The following ZFHX3 variants were observed in gnomAD, a reference collection of about 807,000 sequenced individuals.
ZFHX3 encodes the protein zinc finger homeobox protein 3.
ZFHX3 carries 42 observed loss-of-function variants against 279.1 expected under a neutral mutation model. The observed-to-expected ratio is 0.15, with a 90% CI of 0.12 to 0.19. The LOEUF (loss-of-function observed/expected upper bound fraction) is 0.19, where lower values mean the gene tolerates loss of function less well. Among genes scored for constraint, ZFHX3 ranks in the 10% least tolerant of loss-of-function variants. ZFHX3 has a pLI of 1.00. For synonymous variants in ZFHX3, 2,293 were observed against 1,957.8 expected, an observed-to-expected ratio of 1.17 and a Z score of -4.52; for missense variants, 4,981 against 4,754.0, an observed-to-expected ratio of 1.05 and a Z score of -1.40.
At chr16:72,895,005 G>A (rs1003863056) in intron 3 of ZFHX3, among the ~76,000 whole-genome samples, 1 of 152,204 alleles carries the variant, frequency 6.6e-6, no homozygotes, top group African/African-American at 2.4e-5. Flanking sequence ...TCCAACTGTG[G>A]GCAGTGTGCT....
At chr16:72,901,875 A>C (rs1030321630) in intron 3 of ZFHX3, among the ~76,000 whole-genome samples, 2 of 152,148 alleles carry the variant, frequency 1.3e-5, no homozygotes, top group African/African-American at 4.8e-5. Flanking sequence ...TAAATAACCC[A>C]GACAAACACC....
chr16:72,976,033 A>T (rs771479277), intron 1 of ZFHX3, among the ~76,000 whole-genome samples: 2 of 152,196 alleles, frequency 1.3e-5, no homozygotes, highest in Non-Finnish European at 2.9e-5. Context: ...TGCCAGCTCA[A>T]GTCATAAAAT....
chr16:73,190,198 A>G (rs1781617095), intron 5 of ZFHX3, among the ~76,000 whole-genome samples: 1 of 152,358 alleles, frequency 6.6e-6, no homozygotes, highest in Non-Finnish European at 1.5e-5. Flanking sequence ...GACATGTGTA[A>G]TGGTGTGACT....
intron 2 of ZFHX3, among the ~76,000 whole-genome samples, chr16:73,473,379 A>G (rs1039798101): frequency 5.1e-4 from 77 of 150,990 alleles, no homozygotes; most frequent in African/African-American, 1.8e-3. Flanking sequence ...AAAACAAAAT[A>G]ATAAGCTATG....
intron 4 of ZFHX3, among the ~76,000 whole-genome samples, chr16:72,831,876 C>T (rs2037069264): frequency 6.6e-6 from 1 of 152,158 alleles, no homozygotes; most frequent in African/African-American, 2.4e-5. Context: ...TATTGGAACA[C>T]TAAGCTTGTA....
At position 72,797,557 on chromosome 16, in the gene ZFHX3, C is replaced by T. The variant is rs1410544730; in HGVS notation, c.5125G>A (p.Glu1709Lys). 6.2e-7 allele frequency: 1 copy of T among 1,614,122 alleles called. No homozygotes were observed. The highest frequency in any genetic ancestry group is 1.1e-5 in the South Asian group (1 of 91,074). Residue 1709 changes from glutamate (E) to lysine (K), a missense_variant, in exon 9 of 10, where the codon GAG (glutamate) becomes AAG (lysine). Physicochemically the swap from Glu to Lys is moderately conservative, Grantham distance 56. Coordinates refer to ENST00000268489, the MANE Select transcript of ZFHX3 (RefSeq NM_006885.4). ...ANIASPSEPK[E>K]ANRKKLADMI... ...TCTGCCAGTTTCTTCCGATTGGCCTCTTTGGGCTCTGAAGGGGAAGCAATG... is the reference window on the plus strand; with the variant it reads ...TCTGCCAGTTTCTTCCGATTGGCCTTTTTGGGCTCTGAAGGGGAAGCAATG...
chr16:73,392,145 C>T lies in ZFHX3; in HGVS notation c.-1291+63858G>A, dbSNP rs189595657. 1.8e-3 allele frequency among the ~76,000 whole-genome samples: 278 copies of T among 152,096 alleles called. 2 individuals carry two copies. Among genetic ancestry groups the T allele is most frequent in the African/African-American group, 6.5e-3 (271 of 41,502 alleles). On this transcript the variant is annotated intron_variant, in intron 3 of 17. Coordinates refer to the ZFHX3 transcript ENST00000641206. ...ATCAAGAAACAGCAGCAAGGCCAGG[C>T]GCAGTGGCTCATGGCTGTAATCCCA...
At chr16:73,185,777 C>T (rs573083543) in intron 5 of ZFHX3, among the ~76,000 whole-genome samples, 14 of 152,222 alleles carry the variant, frequency 9.2e-5, no homozygotes, top group Admixed American at 7.8e-4. Context: ...ACACATGGGC[C>T]CCCTAGATCC....
At chr16:73,705,821 C>T (rs2053297454) in intron 1 of ZFHX3, among the ~76,000 whole-genome samples, 2 of 152,170 alleles carry the variant, frequency 1.3e-5, no homozygotes, top group African/African-American at 4.8e-5. Context: ...ATTTCCAACC[C>T]TCATGGACCC....
rs929432626 is a variant in ZFHX3 at position 73,767,783 on chromosome 16, T to C, written c.-1607-87543A>G. On this transcript the variant is annotated intron_variant, in intron 1 of 17. Coordinates refer to the ZFHX3 transcript ENST00000641206. ...GATCTGCGATGGGAGACTTAACCTC[T>C]GTGAGACCTGTAGTCTTACGTAATC... 2.0e-5 allele frequency among the ~76,000 whole-genome samples: 3 copies of C among 152,198 alleles called. No individual in the cohort carries two copies. The East Asian group carries it at 5.8e-4, about 29-fold the overall frequency.
intron 1 of ZFHX3, among the ~76,000 whole-genome samples, chr16:72,997,298 A>G (rs1171064690): frequency 6.6e-6 from 1 of 152,128 alleles, no homozygotes; most frequent in African/African-American, 2.4e-5. Flanking sequence ...AACTTGAACA[A>G]CCGGATTCTG....
intron 4 of ZFHX3, among the ~76,000 whole-genome samples, chr16:72,856,479 G>A (rs75310956): frequency 1.3e-5 from 2 of 152,214 alleles, no homozygotes; most frequent in Non-Finnish European, 2.9e-5. Context: ...AGAGGGATAC[G>A]CAGGAGCTTA....
intron 1 of ZFHX3, among the ~76,000 whole-genome samples, chr16:72,999,181 G>A (rs980474242): frequency 6.6e-6 from 1 of 152,130 alleles, no homozygotes; most frequent in Admixed American, 6.5e-5. Context: ...ACAAAGTCCC[G>A]CTCTGTCGCC....
At chr16:73,301,124 G>A (rs1337404328) in intron 4 of ZFHX3, among the ~76,000 whole-genome samples, 1 of 152,202 alleles carries the variant, frequency 6.6e-6, no homozygotes, top group East Asian at 1.9e-4. Flanking sequence ...TTGTGTATCA[G>A]AGTCCTTTGG....
intron 5 of ZFHX3, among the ~76,000 whole-genome samples, chr16:73,235,704 G>A (rs1193380574): frequency 2.0e-5 from 3 of 151,480 alleles, no homozygotes; most frequent in South Asian, 2.1e-4. Flanking sequence ...ATAGCATCTC[G>A]CTCTGTCGCC....
At chr16:73,056,893 T>G (rs1965567937) in intron 1 of ZFHX3, among the ~76,000 whole-genome samples, 1 of 152,236 alleles carries the variant, frequency 6.6e-6, no homozygotes, top group African/African-American at 2.4e-5. Context: ...AAAAGTAATT[T>G]TTTAAAAAAC....
At chr16:72,871,085 T>C (rs914240330) in intron 4 of ZFHX3, among the ~76,000 whole-genome samples, 1 of 152,210 alleles carries the variant, frequency 6.6e-6, no homozygotes, top group Admixed American at 6.5e-5. Flanking sequence ...TGTGGTAAAA[T>C]GCTAATATTT....
At chr16:72,829,313 G>C (rs1452121039) in intron 5 of ZFHX3, among the ~76,000 whole-genome samples, 1 of 152,010 alleles carries the variant, frequency 6.6e-6, no homozygotes, top group Non-Finnish European at 1.5e-5. Context: ...CTGACCCTTA[G>C]AGAATCTTGA....
At chr16:73,669,032 TTTTTTTTTCTATTTATTA>T (rs1248833918) in intron 2 of ZFHX3, among the ~76,000 whole-genome samples, 5 of 132,126 alleles carry the variant, frequency 3.8e-5, no homozygotes, top group African/African-American at 1.4e-4. Context: ...TTCTTTTCTA[TTTTTTTTTCTATTTATTA>T]TTTTTTTTCT....
Sources: gnomAD v4.1 joint callset for allele counts (sites outside exome capture counted in the v4.1 genomes callset) on GRCh38, gnomAD v4.1.1 for gene constraint, MANE v1.5 for transcripts, NCBI Gene and HGNC (gene_info 2026-07-23, HGNC 2026-07-21) for gene names.